The following IL7 variants were observed in gnomAD, a reference collection of about 807,000 sequenced individuals.
The protein encoded by IL7 is interleukin-7.
A neutral mutation model predicts 21.6 loss-of-function variants in IL7; 3 were observed. The ratio of observed to expected loss-of-function variants is 0.14; its 90% CI spans 0.06 to 0.36. The LOEUF (loss-of-function observed/expected upper bound fraction) is 0.36, where lower values mean the gene tolerates loss of function less well. Ranked by LOEUF, IL7 falls within the 10% of genes least tolerant of loss-of-function variation. The pLI, the probability that IL7 is intolerant of heterozygous loss-of-function variation, is 1.00. For synonymous variants in IL7, 62 were observed against 68.1 expected, an observed-to-expected ratio of 0.91 and a Z score of 0.44; for missense variants, 175 against 200.2, an observed-to-expected ratio of 0.87 and a Z score of 0.76.
At chr8:78,800,340 C>A (rs1456036173) in intron 1 of IL7, among the ~76,000 whole-genome samples, 2 of 152,120 alleles carry the variant, frequency 1.3e-5, no homozygotes, top group East Asian at 3.8e-4. Context: ...CTCTGCTGCC[C>A]AGGCTGGAGT....
chr8:78,715,311 T>G, downstream of IL7: 2 of 1,613,410 alleles, frequency 1.2e-6, no homozygotes, highest in Non-Finnish European at 1.7e-6. Context: ...AAACATATAC[T>G]GAGAGCTACA....
At chr8:78,717,497 G>T, downstream of IL7, 5 of 1,379,078 alleles carry the variant, frequency 3.6e-6, no homozygotes, top group East Asian at 2.8e-5. Context: ...TCTATGAATA[G>T]AATCTCAAAA....
At chr8:78,743,515 C>A (rs930892852) in intron 2 of IL7, among the ~76,000 whole-genome samples, 2 of 151,810 alleles carry the variant, frequency 1.3e-5, no homozygotes, top group South Asian at 2.1e-4. Flanking sequence ...TGTCTGCCTG[C>A]CATATTTCAT....
At chr8:78,758,323 G>A (rs1228601720) in intron 2 of IL7, among the ~76,000 whole-genome samples, 1 of 152,066 alleles carries the variant, frequency 6.6e-6, no homozygotes, top group Non-Finnish European at 1.5e-5. Context: ...TTTTCTGAAT[G>A]TTCTGTATAT....
downstream of IL7, chr8:78,675,620 A>G (rs3736169): frequency 0.71 from 408,125 of 571,624 alleles, 149,719 homozygotes; most frequent in East Asian, 0.92. Context: ...ACTGATAACT[A>G]AGTATTATGC....
chr8:78,784,447 A>G (rs1813444464), intron 2 of IL7, among the ~76,000 whole-genome samples: 2 of 152,354 alleles, frequency 1.3e-5, no homozygotes, highest in South Asian at 4.1e-4. Context: ...TAACACAGTC[A>G]CTTATGTATA....
At position 78,804,966 on chromosome 8, in the gene IL7, C is replaced by T. The variant is rs1453309719; in HGVS notation, c.-44G>A. The T allele has an allele frequency of 6.2e-7, 1 of 1,603,668 alleles. No individual in the cohort carries two copies. Among genetic ancestry groups the T allele is most frequent in the South Asian group, 1.1e-5 (1 of 89,732 alleles). On this transcript the variant is annotated 5_prime_UTR_variant, in exon 1 of 6. Coordinates refer to ENST00000263851, the MANE Select transcript of IL7 (RefSeq NM_000880.4). Reference sequence around the variant, plus strand: ...GTAGTCATGATGACCGCAACTGGAGCAGGAGCAAGCTCTCACCGCCCATAG... The same window carrying T: ...GTAGTCATGATGACCGCAACTGGAGTAGGAGCAAGCTCTCACCGCCCATAG...
Position 78,805,013 on chromosome 8 carries a change from T to C in IL7, c.-91A>G. 1.4e-6 allele frequency: 2 copies of C among 1,427,750 alleles called. No homozygotes were observed. Among genetic ancestry groups the C allele is most frequent in the Non-Finnish European group, 1.9e-6 (2 of 1,041,168 alleles). 88.4% of individuals were successfully genotyped at this position (1,427,750 alleles called of 1,614,324 possible). A position where few individuals can be genotyped will look rare whatever the true frequency, so the allele number is the denominator to read the frequency against. On this transcript the variant is annotated 5_prime_UTR_variant, in exon 1 of 6. Coordinates refer to ENST00000263851, the MANE Select transcript of IL7 (RefSeq NM_000880.4). ...ATAGTCACTCCCAGGACCCTGGTCT[T>C]CCGCGGAGTTGCCGAGTCTGTGTTG...
intron 3 of IL7, among the ~76,000 whole-genome samples, chr8:78,709,397 C>T (rs183835967): frequency 2.6e-3 from 389 of 152,034 alleles, no homozygotes; most frequent in Non-Finnish European, 4.6e-3. Flanking sequence ...TTGTGTGGAG[C>T]GTTATGTGAA....
chr8:78,676,059 G>A lies in IL7; in HGVS notation n.319C>T, dbSNP rs1809568275. On this transcript the variant is annotated non_coding_transcript_exon_variant, in exon 5 of 5. Transcript: ENST00000523959. ...TCTTTCCTTCAGAGTTTGGTCTTCA[G>A]AACTCTTCTGTTAAAGTTTAAAGGT... The A allele has an allele frequency of 1.0e-5, 4 of 386,312 alleles. No homozygotes were observed. In the South Asian group the frequency reaches 3.9e-4, roughly 38 times the overall value. 23.9% of individuals were successfully genotyped at this position (386,312 alleles called of 1,614,324 possible).
intron 4 of IL7, among the ~76,000 whole-genome samples, chr8:78,683,108 G>T (rs1809843201): frequency 6.6e-6 from 1 of 152,214 alleles, no homozygotes. Flanking sequence ...GCTTTCTTGG[G>T]CTGGCATTGA....
At chr8:78,756,474 A>G (rs1330484648) in intron 2 of IL7, among the ~76,000 whole-genome samples, 1 of 151,890 alleles carries the variant, frequency 6.6e-6, no homozygotes, top group East Asian at 1.9e-4. Context: ...GGAGAATTTT[A>G]TTATTGATTC....
At chr8:78,756,060 G>C (rs1812336005) in intron 2 of IL7, among the ~76,000 whole-genome samples, 1 of 151,834 alleles carries the variant, frequency 6.6e-6, no homozygotes, top group African/African-American at 2.4e-5. Context: ...TATATCAAAT[G>C]CTTTTTTTCT....
Position 78,762,433 on chromosome 8 carries a change from G to A in IL7, c.148-22351C>T, listed in dbSNP as rs1293594074. On this transcript the variant is annotated intron_variant, in intron 2 of 5. Transcript: ENST00000263851. Reference sequence around the variant, plus strand: ...GGCGGCAGCGCAGAAGTTCGGCATCGTCGCCCGCCCGCCGGCCGGTCCAGC... The same window carrying A: ...GGCGGCAGCGCAGAAGTTCGGCATCATCGCCCGCCCGCCGGCCGGTCCAGC... 2.5e-6 allele frequency: 4 copies of A among 1,582,758 alleles called. No homozygotes were observed. The East Asian group carries it at 9.4e-5, about 37-fold the overall frequency.
At chr8:78,734,826 T>C (rs755746220) in intron 5 of IL7, among the ~76,000 whole-genome samples, 1 of 152,206 alleles carries the variant, frequency 6.6e-6, no homozygotes, top group Non-Finnish European at 1.5e-5. Flanking sequence ...CTTGATGATT[T>C]GAACTCATTT....
chr8:78,725,309 C>T (rs1811321651), intron 3 of IL7, among the ~76,000 whole-genome samples: 1 of 151,728 alleles, frequency 6.6e-6, no homozygotes, highest in Admixed American at 6.6e-5. Context: ...AAGTGACACC[C>T]TTATTGCAAC....
intron 3 of IL7, among the ~76,000 whole-genome samples, chr8:78,690,475 G>A (rs771773321): frequency 5.9e-5 from 9 of 151,756 alleles, no homozygotes; most frequent in Non-Finnish European, 1.0e-4. Flanking sequence ...CAGGAGAATG[G>A]TGTGAACCTG....
chr8:78,690,792 TATAGGTC>T (rs2130509683), intron 3 of IL7, among the ~76,000 whole-genome samples: 1 of 152,344 alleles, frequency 6.6e-6, no homozygotes, highest in African/African-American at 2.4e-5. Context: ...GTGTATATTA[TATAGGTC>T]ATACACATGT....
chr8:78,730,632 T>C (rs988638486), downstream of IL7, among the ~76,000 whole-genome samples: 3 of 151,830 alleles, frequency 2.0e-5, no homozygotes, highest in African/African-American at 7.2e-5. Flanking sequence ...GTTTTCTAGA[T>C]GATTTAAATG....
Sources: allele counts gnomAD v4.1 joint callset (sites outside exome capture counted in the v4.1 genomes callset), GRCh38; gene constraint gnomAD v4.1.1; transcripts MANE v1.5; gene names NCBI Gene and HGNC (gene_info 2026-07-23, HGNC 2026-07-21).